PSMD9: variants seen among roughly 807,000 people sequenced by gnomAD.
PSMD9 encodes the protein proteasome 26S subunit, non-ATPase 9.
A neutral mutation model predicts 25.9 loss-of-function variants in PSMD9; 26 were observed. The observed-to-expected ratio is 1.00, with a 90% confidence interval of 0.73 to 1.39. The LOEUF is 1.39. Among genes scored for constraint, PSMD9 ranks in the 40% most tolerant of loss-of-function variants. The pLI, the probability that PSMD9 is intolerant of heterozygous loss-of-function variation, is 0.00. For missense variants in PSMD9, 303 were observed against 299.3 expected, an observed-to-expected ratio of 1.01 and a Z score of -0.09; for synonymous variants, 110 against 114.5, an observed-to-expected ratio of 0.96 and a Z score of 0.25.
rs971675120 is a variant in PSMD9 at position 121,917,652 on chromosome 12, C to A, written c.*1341C>A. On this transcript the variant is annotated 3_prime_UTR_variant, in exon 6 of 6. Coordinates refer to ENST00000541212, the MANE Select transcript of PSMD9 (RefSeq NM_002813.7). ...GATTGGTATTGCTGTGTGCTTCCAG[C>A]CACAGGTTCTCACACTCAATTCCAA... 8 of 152,222 alleles carry A rather than the reference C, an allele frequency of 5.3e-5. No individual in the cohort carries two copies. Among genetic ancestry groups the A allele is most frequent in the African/African-American group, 1.9e-4 (8 of 41,440 alleles). The allele number at this position is 152,222 out of a possible 1,614,324, so 9.4% of individuals were successfully genotyped here.
intron 4 of PSMD9, among the ~76,000 whole-genome samples, chr12:121,907,268 C>A (rs767328200): frequency 4.6e-5 from 7 of 152,056 alleles, no homozygotes; most frequent in African/African-American, 2.4e-5. Context: ...TGGGGTTTCA[C>A]CATGTTGGCC....
intron 1 of PSMD9, among the ~76,000 whole-genome samples, chr12:121,891,901 C>CAAAAAAAAAAAAAAAAAAAAAAAAA: frequency 1.3e-5 from 1 of 74,316 alleles, no homozygotes; most frequent in Non-Finnish European, 2.4e-5. Flanking sequence ...GATTCCATCT[C>CAAAAAAAAAAAAAAAAAAAAAAAAA]AAAAAAAAAA....
At chr12:121,895,572 C>G (rs142164332) in intron 2 of PSMD9, among the ~76,000 whole-genome samples, 7 of 152,272 alleles carry the variant, frequency 4.6e-5, no homozygotes, top group African/African-American at 1.4e-4. Flanking sequence ...AGGGGAGAAC[C>G]TGTTCCTGGT....
rs1018544295 is a variant in PSMD9 at position 121,888,797 on chromosome 12, A to G, written c.-60A>G. ...ATGGGCGGAGCCGTAGTTACGGTCG[A>G]CTGGGGCGTCGTCCCTAGCCCGGGA... is the stretch of plus-strand genomic sequence containing the variant. On this transcript the variant is annotated 5_prime_UTR_variant, in exon 1 of 6. Coordinates refer to ENST00000541212, the MANE Select transcript of PSMD9 (RefSeq NM_002813.7). 1 of 1,555,700 alleles carries G rather than the reference A, an allele frequency of 6.4e-7. No homozygotes were observed. The highest frequency in any genetic ancestry group is 8.7e-7 in the Non-Finnish European group (1 of 1,150,506).
At chr12:121,903,752 CTTTT>C (rs11300031) in intron 4 of PSMD9, among the ~76,000 whole-genome samples, 10 of 123,476 alleles carry the variant, frequency 8.1e-5, no homozygotes, top group Admixed American at 4.2e-4. Context: ...GAGATCTTTT[CTTTT>C]TTTTTTTTTT....
chr12:121,892,673 C>T (rs1879120302), intron 1 of PSMD9, among the ~76,000 whole-genome samples: 1 of 151,898 alleles, frequency 6.6e-6, no homozygotes, highest in Non-Finnish European at 1.5e-5. Flanking sequence ...TGTACTCTAG[C>T]CTGGGCAACA....
chr12:121,889,059 T>A lies in PSMD9; in HGVS notation c.138+65T>A, dbSNP rs992189566. 5 of 1,523,462 alleles carry A rather than the reference T, an allele frequency of 3.3e-6. No individual in the cohort carries two copies. In the African/African-American group the frequency reaches 6.9e-5, roughly 21 times the overall value. 94.4% of individuals were successfully genotyped at this position (1,523,462 alleles called of 1,614,324 possible). A position where few individuals can be genotyped will look rare whatever the true frequency, so the allele number is the denominator to read the frequency against. ...GCCCGGAGTCCCTGGGGTACTGGGA[T>A]GCCAGGGCGGCCTCAGTTTGGGCGC... On this transcript the variant is annotated intron_variant, in intron 1 of 5. Transcript: ENST00000541212.
At chr12:121,906,976 A>C (rs1879578032) in intron 4 of PSMD9, among the ~76,000 whole-genome samples, 1 of 151,866 alleles carries the variant, frequency 6.6e-6, no homozygotes, top group Non-Finnish European at 1.5e-5. Context: ...AAAAAAAAAA[A>C]AAAAACCAAA....
chr12:121,908,513 C>T (rs1031444235), intron 4 of PSMD9, among the ~76,000 whole-genome samples: 1 of 152,142 alleles, frequency 6.6e-6, no homozygotes, highest in African/African-American at 2.4e-5. Flanking sequence ...TGTGTCTCTC[C>T]CTTCCTTAGT....
Position 121,903,110 on chromosome 12 carries a change from G to A in PSMD9, c.555+3G>A, listed in dbSNP as rs747488468. 1.2e-6 allele frequency: 2 copies of A among 1,612,048 alleles called. No individual in the cohort carries two copies. The highest frequency in any genetic ancestry group is 1.7e-5 in the Admixed American group (1 of 59,982). The stretch of plus-strand genomic sequence containing the variant: ...GTGTGGTGCAGCACAGTGAGGGGGT[G>A]AGTGGGGCTACCTGGTGTCTCGGTC... On this transcript the variant is annotated splice_donor_region_variant and intron_variant, in intron 4 of 5. Coordinates refer to ENST00000541212, the MANE Select transcript of PSMD9 (RefSeq NM_002813.7).
At chr12:121,906,053 G>A (rs912715642) in intron 4 of PSMD9, among the ~76,000 whole-genome samples, 2 of 150,310 alleles carry the variant, frequency 1.3e-5, no homozygotes, top group Non-Finnish European at 2.9e-5. Context: ...TGTCTGTTGT[G>A]TGGATCTGTG....
rs200003030 is a variant in PSMD9, at chr12:121,899,736, C to G, written c.344C>G (p.Ala115Gly). Residue 115 changes from alanine (A) to glycine (G), a missense_variant, in exon 3 of 6, where the codon GCC becomes GGC. By Grantham distance (60) the Ala-to-Gly change is moderately conservative (BLOSUM62 0). Coordinates refer to ENST00000541212, the MANE Select transcript of PSMD9 (RefSeq NM_002813.7). The part of the protein sequence containing the change: ...KEKQARDMAE[A>G]HKEAMSRKLG... ...AAGCAGGCCCGGGACATGGCTGAGG[C>G]CCACAAAGAGGCCATGAGCCGCAAA... 1 of 1,614,096 alleles carries G rather than the reference C, an allele frequency of 6.2e-7. No individual in the cohort carries two copies. Among genetic ancestry groups the G allele is most frequent in the East Asian group, 2.2e-5 (1 of 44,888 alleles).
chr12:121,903,350 G>C (rs1879455827), intron 4 of PSMD9, among the ~76,000 whole-genome samples: 1 of 152,094 alleles, frequency 6.6e-6, no homozygotes, highest in Non-Finnish European at 1.5e-5. Context: ...TTGTATAAGG[G>C]CACTAATCCC....
chr12:121,891,616 A>G (rs1200043783), intron 1 of PSMD9, among the ~76,000 whole-genome samples: 9 of 151,218 alleles, frequency 6.0e-5, no homozygotes, highest in Admixed American at 3.3e-4. Flanking sequence ...AAAGAAAAAA[A>G]AAAAAAAGAC....
chr12:121,902,691 G>T (rs952697749), intron 3 of PSMD9: 5 of 286,704 alleles, frequency 1.7e-5, no homozygotes, highest in Non-Finnish European at 2.8e-5. Flanking sequence ...GGTTAGGACC[G>T]CAGAGAGCAG....
At position 121,894,792 on chromosome 12, in the gene PSMD9, G is replaced by T; in HGVS notation, c.192G>T (p.Arg64=). ...TGGTGGACTGTGAGGGCTACCCCCG[G>T]TCAGACGTGGACCTGTACCAAGTCC... ...EPLVDCEGYP[R]SDVDLYQVRT... is the part of the protein sequence containing the mutation. The change falls in exon 2 of 6, where the codon CGG becomes CGT. Residue 64 remains arginine, a synonymous_variant. Coordinates refer to ENST00000541212, the MANE Select transcript of PSMD9 (RefSeq NM_002813.7). 1 of 1,614,136 alleles carries T rather than the reference G, an allele frequency of 6.2e-7. No individual in the cohort carries two copies. The highest frequency in any genetic ancestry group is 8.5e-7 in the Non-Finnish European group (1 of 1,180,026).
chr12:121,904,642 A>T (rs996537250), intron 4 of PSMD9, among the ~76,000 whole-genome samples: 41 of 80,130 alleles, frequency 5.1e-4, no homozygotes, highest in African/African-American at 1.2e-3. Context: ...TCTGAAATTT[A>T]TTATTATTAT....
chr12:121,906,981 AC>A (rs1251850137), intron 4 of PSMD9, among the ~76,000 whole-genome samples: 3 of 147,156 alleles, frequency 2.0e-5, no homozygotes, highest in Admixed American at 6.8e-5. Flanking sequence ...AAAAAAAAAA[AC>A]CAAAAAACTC....
At position 121,888,916 on chromosome 12, in the gene PSMD9, C is replaced by G. The variant is rs1285720598; in HGVS notation, c.60C>G (p.Val20=). ...CCTCGCAGGCCGGCGTCGTGACTGT[C>G]AGCGACGTCCAGGAGCTGATGCGGC... is the stretch of plus-strand genomic sequence containing the variant. ...GGSSQAGVVT[V]SDVQELMRRK... The change falls in exon 1 of 6, where the codon GTC becomes GTG. Residue 20 remains valine (V), a synonymous_variant. Coordinates refer to ENST00000541212, the MANE Select transcript of PSMD9 (RefSeq NM_002813.7). 6.3e-7 allele frequency: 1 copy of G among 1,595,604 alleles called. No individual in the cohort carries two copies.
Sources: allele counts gnomAD v4.1 joint callset (sites outside exome capture counted in the v4.1 genomes callset), GRCh38; gene constraint gnomAD v4.1.1; transcripts MANE v1.5; gene names NCBI Gene and HGNC (gene_info 2026-07-23, HGNC 2026-07-21).